The following SLC4A10 variants were observed in gnomAD, a reference collection of about 807,000 sequenced individuals.
The protein encoded by SLC4A10 is sodium-driven chloride bicarbonate exchanger.
A neutral mutation model predicts 137.7 loss-of-function variants in SLC4A10; 42 were observed. The ratio of observed to expected loss-of-function variants is 0.30; its 90% CI spans 0.24 to 0.39. The LOEUF (loss-of-function observed/expected upper bound fraction) is 0.39. SLC4A10 is among the 10% of genes least tolerant of loss of function. The pLI is 1.00. For missense variants in SLC4A10, 925 were observed against 1,355.0 expected (o/e 0.68, Z 4.98); for synonymous variants, 474 against 464.1 (o/e 1.02, Z -0.27).
intron 10 of SLC4A10, among the ~76,000 whole-genome samples, chr2:161,888,443 T>TGCTTGTGTTTGTG (rs2062552971): frequency 6.6e-6 from 1 of 152,210 alleles, no homozygotes; most frequent in Non-Finnish European, 1.5e-5. Context: ...TGTTTTTCCA[T>TGCTTGTGTTTGTG]TTGTTTGTGT....
chr2:161,901,746 A>G (rs1683163168), intron 12 of SLC4A10, among the ~76,000 whole-genome samples: 1 of 152,052 alleles, frequency 6.6e-6, no homozygotes, highest in South Asian at 2.1e-4. Flanking sequence ...AGCACTCTGC[A>G]TTTTAATTCT....
At chr2:161,644,767 T>G (rs553628426) in intron 1 of SLC4A10, among the ~76,000 whole-genome samples, 1 of 152,332 alleles carries the variant, frequency 6.6e-6, no homozygotes, top group African/African-American at 2.4e-5. Context: ...TAGAGATATC[T>G]TGTAGGTGTT....
chr2:161,763,887 C>A (rs1231603463), intron 1 of SLC4A10, among the ~76,000 whole-genome samples: 3 of 152,040 alleles, frequency 2.0e-5, no homozygotes, highest in Non-Finnish European at 4.4e-5. Context: ...ATGGTGGTTG[C>A]TTTTTAAAAA....
At chr2:161,976,657 T>A (rs1699425182) in intron 24 of SLC4A10, 103 bp from the exon 25 acceptor site, 5 of 523,344 alleles carry the variant, frequency 9.6e-6, no homozygotes, top group Non-Finnish European at 1.6e-5. Context: ...GGGAAAAATA[T>A]TCTTCATAGA....
At chr2:161,795,127 C>G (rs1011705095) in intron 2 of SLC4A10, among the ~76,000 whole-genome samples, 6 of 151,988 alleles carry the variant, frequency 3.9e-5, no homozygotes, top group Non-Finnish European at 4.4e-5. Flanking sequence ...TCTGTGCCTC[C>G]CCTCACAAGG....
chr2:161,945,182 GTATATATATATATA>G (rs56159201), intron 16 of SLC4A10, among the ~76,000 whole-genome samples: 2,390 of 88,842 alleles, frequency 0.027, 146 homozygotes, highest in African/African-American at 0.087. Context: ...AAGTTTGTGT[GTATATATATATATA>G]TATATATATA....
intron 1 of SLC4A10, among the ~76,000 whole-genome samples, chr2:161,632,837 A>G (rs1488347883): frequency 6.6e-6 from 1 of 151,658 alleles, no homozygotes; most frequent in East Asian, 1.9e-4. Context: ...AAATAGAAAA[A>G]TCATCATATA....
chr2:161,677,022 C>A (rs1295839034), intron 1 of SLC4A10, among the ~76,000 whole-genome samples: 5 of 152,038 alleles, frequency 3.3e-5, no homozygotes, highest in Non-Finnish European at 1.5e-5. Context: ...CCTGTCAAGT[C>A]TCATGTTGAA....
At chr2:161,851,580 A>G (rs914628847) in intron 4 of SLC4A10, among the ~76,000 whole-genome samples, 2 of 152,208 alleles carry the variant, frequency 1.3e-5, no homozygotes, top group African/African-American at 4.8e-5. Flanking sequence ...CAAAGGAGCC[A>G]AGATGAAATG....
At chr2:161,700,108 G>A (rs2042970835) in intron 1 of SLC4A10, among the ~76,000 whole-genome samples, 1 of 152,094 alleles carries the variant, frequency 6.6e-6, no homozygotes, top group Non-Finnish European at 1.5e-5. Flanking sequence ...GTGATTATTG[G>A]GAATGGTGAG....
In SLC4A10 at chr2:161,947,580, G is replaced by T. The variant is rs369971543; in HGVS notation, c.2118G>T (p.Leu706Phe). The T allele has an allele frequency of 1.5e-4, 237 of 1,610,982 alleles. No homozygotes were observed. Among genetic ancestry groups the T allele is most frequent in the Non-Finnish European group, 1.9e-4 (221 of 1,178,738 alleles). ...TCCTCTGGCAGGAATGCAAATCATT[G>T]CATGGAGAGTATGTTGGACGGGCCT... ...ENLTVSECKS[L>F]HGEYVGRACG... is the part of the protein sequence containing the mutation. Residue 706 changes from leucine (L) to phenylalanine (F), a missense_variant, in exon 17 of 27, where the codon TTG becomes TTT. This residue lies in a region of SLC4A10 where 91 missense variants were observed against 95.6 expected (regional missense o/e 0.95). Coordinates refer to ENST00000446997, the MANE Select transcript of SLC4A10 (RefSeq NM_001178015.2).
At chr2:161,691,107 A>C (rs1389180009) in intron 1 of SLC4A10, among the ~76,000 whole-genome samples, 2 of 152,146 alleles carry the variant, frequency 1.3e-5, no homozygotes, top group Non-Finnish European at 2.9e-5. Flanking sequence ...TCTGCAGTCA[A>C]ATATGATGCA....
chr2:161,629,649 A>C (rs1426103506), intron 1 of SLC4A10, among the ~76,000 whole-genome samples: 1 of 151,904 alleles, frequency 6.6e-6, no homozygotes, highest in Non-Finnish European at 1.5e-5. Context: ...CCACCATTAT[A>C]GTATTATACA....
chr2:161,648,348 G>T (rs554883357), intron 1 of SLC4A10, among the ~76,000 whole-genome samples: 1 of 152,032 alleles, frequency 6.6e-6, no homozygotes, highest in Non-Finnish European at 1.5e-5. Context: ...TATTGAAAAC[G>T]TACAGTATAT....
At chr2:161,955,206 C>G (rs952300120) in intron 19 of SLC4A10, among the ~76,000 whole-genome samples, 1 of 152,196 alleles carries the variant, frequency 6.6e-6, no homozygotes, top group Non-Finnish European at 1.5e-5. Flanking sequence ...AAACACTTCT[C>G]AAACTGCTTA....
chr2:161,730,374 ATT>A (rs1165381282), intron 1 of SLC4A10, among the ~76,000 whole-genome samples: 1 of 152,148 alleles, frequency 6.6e-6, no homozygotes. Flanking sequence ...TTTTGGTTTC[ATT>A]TGTCCATTCA....
intron 1 of SLC4A10, among the ~76,000 whole-genome samples, chr2:161,729,176 A>G (rs2046558690): frequency 6.6e-6 from 1 of 152,228 alleles, no homozygotes; most frequent in South Asian, 2.1e-4. Flanking sequence ...ATTCAACATC[A>G]TACTAAAACC....
intron 1 of SLC4A10, among the ~76,000 whole-genome samples, chr2:161,658,306 A>C (rs1436998339): frequency 6.6e-6 from 1 of 152,198 alleles, no homozygotes; most frequent in East Asian, 1.9e-4. Context: ...ATGAATTAAA[A>C]CATTTAAGAT....
chr2:161,835,857 T>A (rs986202721), intron 3 of SLC4A10, among the ~76,000 whole-genome samples: 2 of 152,170 alleles, frequency 1.3e-5, no homozygotes, highest in African/African-American at 4.8e-5. Flanking sequence ...AAGGGAAACC[T>A]TTATGGTTTG....
Sources: allele counts gnomAD v4.1 joint callset (sites outside exome capture counted in the v4.1 genomes callset), GRCh38; gene constraint gnomAD v4.1.1; regional missense constraint gnomAD v4.1.1; transcripts MANE v1.5; gene names NCBI Gene and HGNC (gene_info 2026-07-23, HGNC 2026-07-21).